Variants in PKD1 observed in about 807,000 individuals in gnomAD.
PKD1 encodes the protein polycystin-1.
In PKD1, 81 loss-of-function variants were observed where a neutral mutation model predicts 361.7. The observed-to-expected ratio is 0.22, with a 90% confidence interval of 0.19 to 0.27. PKD1 has a LOEUF of 0.27. Among genes scored for constraint, PKD1 ranks in the 10% least tolerant of loss-of-function variants. PKD1 has a pLI of 1.00. For synonymous variants in PKD1, 3,615 were observed against 2,818.3 expected (o/e 1.28, Z -8.95); for missense variants, 6,399 against 6,118.3 (o/e 1.05, Z -1.53).
chr16:2,091,676 G>A, intron 41 of PKD1, 79 bp from the exon 42 acceptor site: 1 of 1,563,396 alleles, frequency 6.4e-7, no homozygotes, highest in African/African-American at 1.3e-5. Context: ...GCGTGGCTGA[G>A]GGGCTGTGGA....
intron 34 of PKD1, among the ~76,000 whole-genome samples, chr16:2,095,869 G>A (rs1412076348): frequency 6.6e-6 from 1 of 152,260 alleles, no homozygotes; most frequent in East Asian, 1.9e-4. Context: ...AGATACCTGG[G>A]GCTGGTCAGC....
intron 30 of PKD1, 139 bp from the exon 31 acceptor site, chr16:2,098,123 T>G: frequency 4.7e-6 from 3 of 633,432 alleles, no homozygotes; most frequent in Non-Finnish European, 8.6e-6. Context: ...ATATGGGACA[T>G]CTGCACCGTC....
rs1257908826 is a variant in PKD1, at chr16:2,106,502, G to C, written c.7385C>G (p.Ser2462Cys). Reference sequence around the variant, plus strand: ...CGGGCGGTTGGGGGACAGGCGGATGGAGGCGCAGCCCTCCTCCTCGCCAGA... The same window carrying C: ...CGGGCGGTTGGGGGACAGGCGGATGCAGGCGCAGCCCTCCTCCTCGCCAGA... ...GRSGEEEGCA[S>C]IRLSPNRPPL... is the part of the protein sequence containing the mutation. Residue 2462 changes from serine (S) to cysteine (C), a missense_variant, in exon 18 of 46, where the codon TCC becomes TGC. By Grantham distance (112) the Ser-to-Cys change is moderately radical. Transcript: ENST00000262304. The surrounding 1 kb of genome is among the most constrained non-coding windows in gnomAD (Gnocchi z 6.5). 1.3e-6 allele frequency: 2 copies of C among 1,595,002 alleles called. No homozygotes were observed. Among genetic ancestry groups the C allele is most frequent in the Middle Eastern group, 2.3e-4 (1 of 4,422 alleles).
chr16:2,090,045 G>A lies in PKD1; in HGVS notation c.12594C>T (p.Ser4198=), dbSNP rs759710911. The change falls in exon 46 of 46, where the codon AGC becomes AGT. Residue 4198 remains serine, a synonymous_variant. Transcript: ENST00000262304. Reference sequence around the variant, plus strand: ...TTGTCCCCAGCCGGCCCAGGCTCACGCTCAGCCCATCCAGCTGGCTGGAGG... The same window carrying A: ...TTGTCCCCAGCCGGCCCAGGCTCACACTCAGCCCATCCAGCTGGCTGGAGG... ...STSSSQLDGL[S]VSLGRLGTRC... 5.6e-6 allele frequency: 9 copies of A among 1,611,192 alleles called. No individual in the cohort carries two copies. The highest frequency in any genetic ancestry group is 1.7e-5 in the Admixed American group (1 of 59,792).
chr16:2,093,272 C>T (rs1481978660), intron 37 of PKD1, 179 bp from the exon 38 acceptor site: 2 of 753,802 alleles, frequency 2.7e-6, no homozygotes, highest in Non-Finnish European at 2.2e-6. Context: ...CCCGGAACCC[C>T]ACCTGGGGGC....
intron 1 of PKD1, among the ~76,000 whole-genome samples, chr16:2,134,672 G>A (rs2092929081): frequency 6.6e-6 from 1 of 150,736 alleles, no homozygotes. Flanking sequence ...TCTGTGAAAT[G>A]CAAATCTCCA....
At position 2,088,959 on chromosome 16, in the gene PKD1, T is replaced by A; in HGVS notation, c.*768A>T. On this transcript the variant is annotated 3_prime_UTR_variant, in exon 46 of 46. Transcript: ENST00000262304. ...GAGGAGTCTTTTCCTCTAACCACCC[T>A]GGGGTCCTCTGACATGCCTAGTCCT... 6.0e-6 allele frequency: 2 copies of A among 330,778 alleles called. No individual in the cohort carries two copies. Among genetic ancestry groups the A allele is most frequent in the East Asian group, 6.3e-5 (1 of 15,868 alleles). 20.5% of individuals were successfully genotyped at this position (330,778 alleles called of 1,614,324 possible). A position where few individuals can be genotyped will look rare whatever the true frequency, so the allele number is the denominator to read the frequency against.
chr16:2,126,535 T>A (rs2092802214), intron 1 of PKD1, among the ~76,000 whole-genome samples: 1 of 152,254 alleles, frequency 6.6e-6, no homozygotes, highest in Admixed American at 6.5e-5. Context: ...AGCGAGGTGT[T>A]CTGGGAAAGG....
chr16:2,104,551 G>A lies in PKD1; in HGVS notation c.8108C>T (p.Thr2703Ile). ...AMMLILQAET[T>I]AGTVTPTAIG... ...GGCGGTGGGCGTCACGGTGCCCGCG[G>A]TGGTCTCTGCCTGCAGGATGAGCAT... Residue 2703 changes from threonine (T) to isoleucine (I), a missense_variant, in exon 22 of 46, where the codon ACC (threonine) becomes ATC (isoleucine). By Grantham distance (89) the Thr-to-Ile change is moderately conservative (BLOSUM62 -1). Coordinates refer to ENST00000262304, the MANE Select transcript of PKD1 (RefSeq NM_001009944.3). 1 of 1,593,548 alleles carries A rather than the reference G, an allele frequency of 6.3e-7. No homozygotes were observed. Among genetic ancestry groups the A allele is most frequent in the Non-Finnish European group, 8.5e-7 (1 of 1,171,650 alleles).
At chr16:2,126,816 G>A (rs1224775569) in intron 1 of PKD1, among the ~76,000 whole-genome samples, 2 of 152,352 alleles carry the variant, frequency 1.3e-5, no homozygotes, top group East Asian at 1.9e-4. Flanking sequence ...TCTCCCCCAC[G>A]AGCAGGGGGA....
chr16:2,107,726 C>CA (rs1445009536), intron 16 of PKD1, 157 bp downstream of exon 16: 1 of 730,798 alleles, frequency 1.4e-6, no homozygotes, highest in Admixed American at 2.1e-5. Context: ...TGGAAGGAAG[C>CA]AAAGCTGAAG....
At position 2,094,129 on chromosome 16, in the gene PKD1, G is replaced by A. The variant is rs1207361578; in HGVS notation, c.10581C>T (p.Asn3527=). 6.3e-7 allele frequency: 1 copy of A among 1,595,578 alleles called. No individual in the cohort carries two copies. Among genetic ancestry groups the A allele is most frequent in the East Asian group, 2.3e-5 (1 of 44,178 alleles). The part of the protein sequence containing the change: ...GELGPPSPGL[N]WEQPQAARLS... ...GCCTCGCTGCCTGGGGCTGTTCCCA[G>A]TTCAGGCCTGGGCTGGGTGGCCCCA... The change falls in exon 35 of 46, where the codon AAC becomes AAT. Residue 3527 remains asparagine, a synonymous_variant. Coordinates refer to ENST00000262304, the MANE Select transcript of PKD1 (RefSeq NM_001009944.3).
At position 2,098,086 on chromosome 16, in the gene PKD1, C is replaced by G. The variant is rs2091921161; in HGVS notation, c.10051-102G>C. On this transcript the variant is annotated intron_variant, in intron 30 of 45. Transcript: ENST00000262304. ...CAGACAGGACAGAGCCCGGTGCCAT[C>G]TGACAGAATGTCCTAGAATGCTGGA... 14 of 693,900 alleles carry G rather than the reference C, an allele frequency of 2.0e-5. No individual in the cohort carries two copies. In the South Asian group the frequency reaches 2.1e-4, roughly 10 times the overall value. The allele number at this position is 693,900 out of a possible 1,614,324, so 43.0% of individuals were successfully genotyped here.
intron 43 of PKD1, 22 bp downstream of exon 43, chr16:2,090,862 C>G (rs371927623): frequency 6.2e-7 from 1 of 1,607,650 alleles, no homozygotes; most frequent in Admixed American, 1.7e-5. Context: ...CCCAGCCCCG[C>G]GCCCACCGGC....
Position 2,114,648 on chromosome 16 carries a change from A to G in PKD1, c.2375T>C (p.Leu792Pro). ...LGLRPNPGLR[L>P]PGRYEVRAEV... The stretch of plus-strand genomic sequence containing the variant: ...TGCCCGGACCTCATAGCGCCCAGGC[A>G]GCCGCAGTCCAGGGTTGGGCCTCAA... The change falls in exon 11 of 46, where the codon CTG becomes CCG. Residue 792 changes from leucine to proline, a missense_variant. Physicochemically the swap from Leu to Pro is moderately conservative, Grantham distance 98. Coordinates refer to ENST00000262304, the MANE Select transcript of PKD1 (RefSeq NM_001009944.3). 6.4e-7 allele frequency: 1 copy of G among 1,558,524 alleles called. No individual in the cohort carries two copies. Among genetic ancestry groups the G allele is most frequent in the South Asian group, 1.2e-5 (1 of 86,216 alleles).
Position 2,106,181 on chromosome 16 carries a change from A to C in PKD1, c.7613T>G (p.Val2538Gly), listed in dbSNP as rs766629649. The C allele has an allele frequency of 6.2e-7, 1 of 1,609,802 alleles. No homozygotes were observed. The highest frequency in any genetic ancestry group is 2.2e-5 in the East Asian group (1 of 44,864). Residue 2538 changes from valine (V) to glycine (G), a missense_variant, in exon 19 of 46, where the codon GTG (valine) becomes GGG (glycine). Transcript: ENST00000262304. The surrounding 1 kb of genome is among the most constrained non-coding windows in gnomAD (Gnocchi z 6.5). Reference sequence around the variant, plus strand: ...GTGTGGCCTGAAACCCGGGGGCAGCACGGCTCCGTAGCTGGAGAGGCTGCC... The same window carrying C: ...GTGTGGCCTGAAACCCGGGGGCAGCCCGGCTCCGTAGCTGGAGAGGCTGCC... ...YKGSLSSYGA[V>G]LPPGFRPHFE... is the part of the protein sequence containing the mutation.
In PKD1 at chr16:2,102,251, C is replaced by T. The variant is rs1180101693; in HGVS notation, c.9207G>A (p.Pro3069=). ...TGACGATGTAGTTTACATCCGCTGTCGGCTCCTGTGAGGACACAGCCGCCG... is the reference window on the plus strand; with the variant it reads ...TGACGATGTAGTTTACATCCGCTGTTGGCTCCTGTGAGGACACAGCCGCCG... The part of the protein sequence containing the change: ...PSHVRFVFPE[P]TADVNYIVML... The change falls in exon 26 of 46, where the codon CCG becomes CCA. Residue 3069 remains proline (P), a synonymous_variant. Transcript: ENST00000262304. The T allele has an allele frequency of 2.2e-5, 34 of 1,521,426 alleles. No homozygotes were observed. The highest frequency in any genetic ancestry group is 9.1e-5 in the East Asian group (4 of 44,156). The allele number at this position is 1,521,426 out of a possible 1,614,324, so 94.2% of individuals were successfully genotyped here. A position where few individuals can be genotyped will look rare whatever the true frequency, so the allele number is the denominator to read the frequency against.
chr16:2,092,544 G>T lies in PKD1; in HGVS notation c.11205C>A (p.Val3735=). ...GCTCTGGGCTGGACTGGTTCCCGTG[G>T]ACGTAGGGCAGCAGCACGTGGGCCA... ...PWMAHVLLPY[V]HGNQSSPELG... Residue 3735 remains valine, a synonymous_variant, in exon 39 of 46, where the codon GTC becomes GTA. Coordinates refer to ENST00000262304, the MANE Select transcript of PKD1 (RefSeq NM_001009944.3). 6.2e-7 allele frequency: 1 copy of T among 1,612,674 alleles called. No individual in the cohort carries two copies. Among genetic ancestry groups the T allele is most frequent in the Non-Finnish European group, 8.5e-7 (1 of 1,179,866 alleles).
Position 2,106,067 on chromosome 16 carries a change from G to A in PKD1, c.7703+24C>T, listed in dbSNP as rs375130579. 3 of 1,606,270 alleles carry A rather than the reference G, an allele frequency of 1.9e-6. No homozygotes were observed. The highest frequency in any genetic ancestry group is 2.5e-6 in the Non-Finnish European group (3 of 1,177,188). On this transcript the variant is annotated intron_variant, in intron 19 of 45. Coordinates refer to ENST00000262304, the MANE Select transcript of PKD1 (RefSeq NM_001009944.3). The surrounding 1 kb of genome is among the most constrained non-coding windows in gnomAD (Gnocchi z 6.5). The stretch of plus-strand genomic sequence containing the variant: ...TGGTGAGCAGGTGGCAGTCTCGGGG[G>A]CGCCCTCCCACGGCCTGGCTCACCT...
Sources: allele counts gnomAD v4.1 joint callset (sites outside exome capture counted in the v4.1 genomes callset), GRCh38; gene constraint gnomAD v4.1.1; non-coding constraint Gnocchi (gnomAD v3.1); transcripts MANE v1.5; gene names NCBI Gene and HGNC (gene_info 2026-07-23, HGNC 2026-07-21).